Variants in CMIP observed in about 807,000 individuals in gnomAD.
The protein encoded by CMIP is C-Maf-inducing protein.
CMIP carries 13 observed loss-of-function variants against 97.3 expected under a neutral mutation model. The ratio of observed to expected loss-of-function variants is 0.13; its 90% CI spans 0.09 to 0.21. The LOEUF (loss-of-function observed/expected upper bound fraction) is 0.21, where lower values mean the gene tolerates loss of function less well. CMIP is among the 10% of genes least tolerant of loss of function. The pLI is 1.00. For synonymous variants in CMIP, 538 were observed against 436.3 expected (o/e 1.23, Z -2.91); for missense variants, 847 against 1,024.9 (o/e 0.83, Z 2.37).
chr16:81,634,717 A>G (rs1028158172), intron 3 of CMIP, among the ~76,000 whole-genome samples: 1 of 152,232 alleles, frequency 6.6e-6, no homozygotes, highest in Non-Finnish European at 1.5e-5. Context: ...TTAATTTATT[A>G]AAGAACAGGA....
At chr16:81,662,553 C>T (rs940563181) in intron 6 of CMIP, among the ~76,000 whole-genome samples, 4 of 152,162 alleles carry the variant, frequency 2.6e-5, no homozygotes, top group South Asian at 2.1e-4. Context: ...GAGAGGAGAG[C>T]TTGAGGGGAC....
At chr16:81,568,009 G>A (rs2091012715) in intron 1 of CMIP, among the ~76,000 whole-genome samples, 1 of 149,274 alleles carries the variant, frequency 6.7e-6, no homozygotes, top group African/African-American at 2.5e-5. Flanking sequence ...TAGACTGGAT[G>A]ACCGTGAGCT....
chr16:81,447,138 TG>T (rs1359215966), intron 1 of CMIP, among the ~76,000 whole-genome samples: 4 of 151,808 alleles, frequency 2.6e-5, no homozygotes, highest in Admixed American at 2.6e-4. Context: ...GTTTCTGATG[TG>T]GGGAGGAACT....
In CMIP at chr16:81,701,693, GACA is replaced by G. The variant is rs759817651; in HGVS notation, c.1795_1797del (p.Asn599del). 5 of 1,613,884 alleles carry G rather than the reference GACA, an allele frequency of 3.1e-6. No individual in the cohort carries two copies. The highest frequency in any genetic ancestry group is 4.2e-6 in the Non-Finnish European group (5 of 1,179,882). On this transcript the variant is annotated inframe_deletion, in exon 16 of 21. Transcript: ENST00000537098. ...CTTGATGCTGGAATACAACATCATCGACAACAACGACACCCAACTGCAGATCAT... is the reference window on the plus strand; with the variant it reads ...CTTGATGCTGGAATACAACATCATCGACAACGACACCCAACTGCAGATCAT...
intron 16 of CMIP, among the ~76,000 whole-genome samples, chr16:81,702,099 C>T (rs778126982): frequency 5.3e-5 from 8 of 152,194 alleles, no homozygotes; most frequent in Non-Finnish European, 1.2e-4. Context: ...CAAATGCCAG[C>T]ACCCACACCT....
At chr16:81,461,106 C>G (rs1185906276) in intron 1 of CMIP, among the ~76,000 whole-genome samples, 1 of 152,162 alleles carries the variant, frequency 6.6e-6, no homozygotes, top group African/African-American at 2.4e-5. Context: ...AGGCAAAACC[C>G]ATTGTTCTGC....
intron 1 of CMIP, among the ~76,000 whole-genome samples, chr16:81,592,733 A>G (rs1047181737): frequency 7.9e-5 from 12 of 152,230 alleles, no homozygotes; most frequent in African/African-American, 2.6e-4. Context: ...TTTCTCCTCC[A>G]TGGAACTGGG....
chr16:81,484,455 C>G (rs1449618716), intron 1 of CMIP, among the ~76,000 whole-genome samples: 1 of 152,170 alleles, frequency 6.6e-6, no homozygotes, highest in Non-Finnish European at 1.5e-5. Flanking sequence ...CAGGGTGTTG[C>G]AGGTTGGGCT....
At chr16:81,602,531 C>T (rs1219772777) in intron 1 of CMIP, among the ~76,000 whole-genome samples, 1 of 152,226 alleles carries the variant, frequency 6.6e-6, no homozygotes, top group Non-Finnish European at 1.5e-5. Flanking sequence ...TGACATCGCC[C>T]CCACAGTCAA....
chr16:81,477,491 G>T (rs1402710967), intron 1 of CMIP, among the ~76,000 whole-genome samples: 1 of 152,180 alleles, frequency 6.6e-6, no homozygotes, highest in Non-Finnish European at 1.5e-5. Flanking sequence ...ACAGGGCAGG[G>T]TATGGACTGT....
At chr16:81,537,593 C>T (rs76368913) in intron 1 of CMIP, among the ~76,000 whole-genome samples, 3,648 of 146,854 alleles carry the variant, frequency 0.025, 75 homozygotes, top group Non-Finnish European at 0.04. Context: ...AGGCTGGGCA[C>T]GGTGGCTCAC....
intron 1 of CMIP, among the ~76,000 whole-genome samples, chr16:81,532,954 G>T (rs974849335): frequency 6.6e-6 from 1 of 152,094 alleles, no homozygotes; most frequent in Non-Finnish European, 1.5e-5. Flanking sequence ...CGAGGCCTTT[G>T]CCCTGACTGC....
chr16:81,504,820 G>C (rs1280398292), intron 1 of CMIP, among the ~76,000 whole-genome samples: 1 of 152,190 alleles, frequency 6.6e-6, no homozygotes. Flanking sequence ...GCAAGAGTGA[G>C]GGTGTGGAAC....
At chr16:81,500,450 TC>T (rs2089587218) in intron 1 of CMIP, among the ~76,000 whole-genome samples, 1 of 112,638 alleles carries the variant, frequency 8.9e-6, no homozygotes, top group Non-Finnish European at 1.8e-5. Flanking sequence ...TCTCCCTTCC[TC>T]CCTCCCTCCC....
chr16:81,581,319 A>C (rs9929965), intron 1 of CMIP, among the ~76,000 whole-genome samples: 11,563 of 152,138 alleles, frequency 0.076, 951 homozygotes, highest in African/African-American at 0.2. Context: ...TTAGTCACTG[A>C]GCGAACATCC....
At chr16:81,704,930 G>C (rs1379509228) in intron 18 of CMIP, among the ~76,000 whole-genome samples, 4 of 151,894 alleles carry the variant, frequency 2.6e-5, no homozygotes, top group Non-Finnish European at 5.9e-5. Context: ...CGTGAGCCAG[G>C]CTTCGCTGGC....
intron 7 of CMIP, 120 bp from the exon 8 acceptor site, chr16:81,670,022 C>G (rs1190462182): frequency 6.6e-6 from 6 of 912,846 alleles, no homozygotes; most frequent in East Asian, 2.7e-5. Context: ...TCCCCATTGC[C>G]TTCCACATCA....
intron 1 of CMIP, among the ~76,000 whole-genome samples, chr16:81,538,711 A>G (rs1274860010): frequency 6.6e-6 from 1 of 152,240 alleles, no homozygotes; most frequent in Admixed American, 6.5e-5. Context: ...AGAATGTGTC[A>G]GGATATTCTC....
In CMIP at chr16:81,655,671, G is replaced by A. The variant is rs752169827; in HGVS notation, c.640-2104G>A. On this transcript the variant is annotated intron_variant, in intron 4 of 20. Transcript: ENST00000537098. This position sits in a 1 kb window ranked among gnomAD's most constrained non-coding sequence, Gnocchi z 4.9. The stretch of plus-strand genomic sequence containing the variant: ...GGTGGCGGCGAGGGATGGATGTGTC[G>A]AGCTGCCCTTGGCAGCCCAAAATAA... Among the ~76,000 whole-genome samples, 3 of 152,184 alleles carry A rather than the reference G, an allele frequency of 2.0e-5. No homozygotes were observed. The highest frequency in any genetic ancestry group is 1.9e-4 in the East Asian group (1 of 5,196).
Sources: gnomAD v4.1 joint callset for allele counts (sites outside exome capture counted in the v4.1 genomes callset) on GRCh38, gnomAD v4.1.1 for gene constraint, Gnocchi (gnomAD v3.1) non-coding constraint, MANE v1.5 for transcripts, NCBI Gene and HGNC (gene_info 2026-07-23, HGNC 2026-07-21) for gene names.